Variants in CSMD3 observed in about 807,000 individuals in gnomAD.
CSMD3 encodes the protein CUB and sushi domain-containing protein 3.
CSMD3 carries 177 observed loss-of-function variants against 435.2 expected under a neutral mutation model. The observed-to-expected ratio is 0.41, with a 90% CI of 0.36 to 0.46. CSMD3 has a LOEUF of 0.46. CSMD3 is among the 20% of genes least tolerant of loss of function. The pLI, the probability that CSMD3 is intolerant of heterozygous loss-of-function variation, is 0.34. For synonymous variants in CSMD3, 1,656 were observed against 1,520.5 expected (o/e 1.09, Z -2.07); for missense variants, 4,265 against 4,504.6 (o/e 0.95, Z 1.52).
At chr8:113,129,050 T>C (rs779890135) in intron 4 of CSMD3, among the ~76,000 whole-genome samples, 40 of 152,306 alleles carry the variant, frequency 2.6e-4, no homozygotes, top group Non-Finnish European at 4.7e-4. Context: ...AGAGGTTTTA[T>C]ATTTTCTCAG....
chr8:112,314,626 GA>G lies in CSMD3; in HGVS notation c.7361-10del, dbSNP rs1421592085. 2 of 1,601,938 alleles carry G rather than the reference GA, an allele frequency of 1.2e-6. No homozygotes were observed. Among genetic ancestry groups the G allele is most frequent in the Non-Finnish European group, 8.6e-7 (1 of 1,169,424 alleles). On this transcript the variant is annotated splice_polypyrimidine_tract_variant and intron_variant, in intron 47 of 70. Coordinates refer to ENST00000297405, the MANE Select transcript of CSMD3 (RefSeq NM_198123.2). ...ATTGGCAGGACAGAGCACTGTCAAA[GA>G]AAAATGTCATTAAATAATGCCAGTC...
At chr8:112,246,325 C>T (rs1319629918) in intron 64 of CSMD3, among the ~76,000 whole-genome samples, 5 of 152,092 alleles carry the variant, frequency 3.3e-5, no homozygotes, top group African/African-American at 9.7e-5. Context: ...TAAGTGTTTC[C>T]ACTCCAGCTT....
intron 20 of CSMD3, among the ~76,000 whole-genome samples, chr8:112,641,091 G>A (rs1429879181): frequency 6.6e-6 from 1 of 152,082 alleles, no homozygotes; most frequent in African/African-American, 2.4e-5. Flanking sequence ...TTTAAATAAG[G>A]TAACAGGTAA....
intron 1 of CSMD3, among the ~76,000 whole-genome samples, chr8:113,326,374 T>C (rs1250602107): frequency 6.6e-6 from 1 of 152,024 alleles, no homozygotes; most frequent in African/African-American, 2.4e-5. Flanking sequence ...TTTTTCCTGA[T>C]GATCCTCACT....
At chr8:112,688,408 C>A (rs1418204311) in intron 14 of CSMD3, among the ~76,000 whole-genome samples, 1 of 152,098 alleles carries the variant, frequency 6.6e-6, no homozygotes, top group Non-Finnish European at 1.5e-5. Context: ...TTACAAAATT[C>A]TTGTATCTAC....
At chr8:112,337,043 G>T (rs1824639059) in intron 43 of CSMD3, among the ~76,000 whole-genome samples, 1 of 152,116 alleles carries the variant, frequency 6.6e-6, no homozygotes, top group Non-Finnish European at 1.5e-5. Context: ...CTAAATAATT[G>T]TTATTAATGA....
At chr8:113,175,541 A>T (rs1314231551) in intron 3 of CSMD3, among the ~76,000 whole-genome samples, 1 of 151,988 alleles carries the variant, frequency 6.6e-6, no homozygotes, top group Non-Finnish European at 1.5e-5. Context: ...CATTAGCTAT[A>T]TGTGAATTTT....
At chr8:112,965,406 TA>T (rs1251441099) in intron 7 of CSMD3, among the ~76,000 whole-genome samples, 1 of 151,798 alleles carries the variant, frequency 6.6e-6, no homozygotes, top group Non-Finnish European at 1.5e-5. Context: ...AGTGTGTTAA[TA>T]TAAAAATAAG....
intron 5 of CSMD3, among the ~76,000 whole-genome samples, chr8:113,041,903 A>AT (rs1258101242): frequency 3.3e-5 from 5 of 152,062 alleles, no homozygotes; most frequent in African/African-American, 1.2e-4. Context: ...ATATTGATTG[A>AT]TTTTTTCCTA....
intron 4 of CSMD3, among the ~76,000 whole-genome samples, chr8:113,140,849 A>T (rs1187150548): frequency 6.6e-6 from 1 of 150,962 alleles, no homozygotes; most frequent in African/African-American, 2.4e-5. Flanking sequence ...AACAACCTAA[A>T]GAAGAGCAAA....
At chr8:112,466,405 T>TA (rs1011212759) in intron 32 of CSMD3, among the ~76,000 whole-genome samples, 37 of 152,072 alleles carry the variant, frequency 2.4e-4, no homozygotes, top group Non-Finnish European at 2.6e-4. Flanking sequence ...GCTGAATTGT[T>TA]AAAAAAAACT....
Position 112,477,425 on chromosome 8 carries a change from G to C in CSMD3, c.5279-4718C>G, listed in dbSNP as rs1223061369. 2.0e-5 allele frequency among the ~76,000 whole-genome samples: 3 copies of C among 152,120 alleles called. No individual in the cohort carries two copies. The East Asian group carries it at 5.8e-4, about 29-fold the overall frequency. On this transcript the variant is annotated intron_variant, in intron 31 of 70. Coordinates refer to ENST00000297405, the MANE Select transcript of CSMD3 (RefSeq NM_198123.2). ...TAGCAAATCCATGCTGATATAGTTT[G>C]AATGTTGGTGCCATGCCCCCCTCAA...
chr8:112,266,657 T>C (rs1209532914), intron 59 of CSMD3, among the ~76,000 whole-genome samples: 2 of 152,218 alleles, frequency 1.3e-5, no homozygotes, highest in East Asian at 3.8e-4. Context: ...TATCGTTTCT[T>C]TATAATGCCA....
chr8:112,682,806 C>T (rs2075930927), intron 15 of CSMD3, among the ~76,000 whole-genome samples, 170 bp from the exon 16 acceptor site: 1 of 151,956 alleles, frequency 6.6e-6, no homozygotes, highest in Non-Finnish European at 1.5e-5. Context: ...CTCCTCTGAC[C>T]TTACCTGTTT....
chr8:112,328,909 C>G (rs185970796), intron 45 of CSMD3, among the ~76,000 whole-genome samples: 1 of 152,180 alleles, frequency 6.6e-6, no homozygotes, highest in Non-Finnish European at 1.5e-5. Context: ...TATAAATTAC[C>G]AAGTCTTGGG....
intron 4 of CSMD3, among the ~76,000 whole-genome samples, chr8:113,127,688 T>C (rs954124024): frequency 6.6e-6 from 1 of 152,070 alleles, no homozygotes; most frequent in African/African-American, 2.4e-5. Context: ...TCTCCTTTAA[T>C]CCATACCCTG....
At chr8:112,408,559 T>C (rs748612422) in intron 33 of CSMD3, 146 bp from the exon 34 acceptor site, 140 of 688,134 alleles carry the variant, frequency 2.0e-4, no homozygotes, top group South Asian at 6.6e-4. Context: ...ACTACCAATA[T>C]ATTTCCTTTG....
chr8:113,253,301 C>T (rs1362849399), intron 3 of CSMD3, among the ~76,000 whole-genome samples: 1 of 151,876 alleles, frequency 6.6e-6, no homozygotes, highest in Non-Finnish European at 1.5e-5. Context: ...CATATGCATA[C>T]ATGTGCCATG....
intron 27 of CSMD3, among the ~76,000 whole-genome samples, chr8:112,543,881 C>T (rs888712436): frequency 3.3e-5 from 5 of 152,190 alleles, no homozygotes; most frequent in South Asian, 4.2e-4. Context: ...CAGTGGAATA[C>T]GATTTGGTCT....
Sources: allele counts gnomAD v4.1 joint callset (sites outside exome capture counted in the v4.1 genomes callset), GRCh38; gene constraint gnomAD v4.1.1; transcripts MANE v1.5; gene names NCBI Gene and HGNC (gene_info 2026-07-23, HGNC 2026-07-21).